Variants in ABR observed in about 807,000 individuals in gnomAD.
ABR encodes the protein active breakpoint cluster region-related protein.
A neutral mutation model predicts 107.2 loss-of-function variants in ABR; 35 were observed. That is an observed-to-expected ratio of 0.33 (90% confidence interval 0.25 to 0.43). The LOEUF (loss-of-function observed/expected upper bound fraction) is 0.43, where lower values mean the gene tolerates loss of function less well. Ranked by LOEUF, ABR falls within the 20% of genes least tolerant of loss-of-function variation. The pLI is 1.00. For missense variants in ABR, 815 were observed against 1,115.2 expected (o/e 0.73, Z 3.83); for synonymous variants, 498 against 462.0 (o/e 1.08, Z -1.00).
chr17:1,170,322 G>T (rs1327512549), intron 1 of ABR, among the ~76,000 whole-genome samples: 1 of 152,182 alleles, frequency 6.6e-6, no homozygotes, highest in Non-Finnish European at 1.5e-5. Flanking sequence ...CACCAGCACC[G>T]CTGTGAAGGG....
Position 1,037,085 on chromosome 17 carries a change from TTCCATCCA to T in ABR, c.1791+12957_1791+12964del, listed in dbSNP as rs1304338113. ...CATCCATCCACCCACCCACCCATCC[TTCCATCCA>T]TCCATCCATCCATCCACCCACCCAC... On this transcript the variant is annotated intron_variant, in intron 16 of 22. Transcript: ENST00000302538. The surrounding 1 kb of genome is among the most constrained non-coding windows in gnomAD (Gnocchi z 4.6). Among the ~76,000 whole-genome samples the T allele has an allele frequency of 3.1e-5, 4 of 128,164 alleles. No individual in the cohort carries two copies. Among genetic ancestry groups the T allele is most frequent in the Non-Finnish European group, 4.9e-5 (3 of 60,954 alleles). The allele number at this position is 128,164 out of a possible 152,430, so 84.1% of individuals were successfully genotyped here.
rs1292541807 is a variant in ABR at position 1,031,651 on chromosome 17, TG to T, written c.1791+18398del. 1.7e-5 allele frequency: 21 copies of T among 1,256,056 alleles called. No homozygotes were observed. The Admixed American group carries it at 3.8e-4, about 23-fold the overall frequency. The allele number at this position is 1,256,056 out of a possible 1,614,324, so 77.8% of individuals were successfully genotyped here. On this transcript the variant is annotated intron_variant, in intron 16 of 22. Transcript: ENST00000302538. ...CGGCCCCAGAGCCGGGCGCCGGTGT[TG>T]GGGGGGCGCTTGCTCCCCGACTCCT...
At chr17:1,102,008 C>A (rs576954016) in intron 2 of ABR, among the ~76,000 whole-genome samples, 40 of 152,232 alleles carry the variant, frequency 2.6e-4, no homozygotes, top group Admixed American at 1.3e-3. Flanking sequence ...GCTGGGATTA[C>A]AGGTGTGAGC....
intron 10 of ABR, among the ~76,000 whole-genome samples, chr17:1,063,470 C>T (rs28733865): frequency 0.091 from 4,768 of 52,218 alleles, no homozygotes; most frequent in Admixed American, 0.1. Flanking sequence ...TTCCTCTAGA[C>T]GCTGTTGTTA....
At chr17:1,199,537 C>G (rs1232775555) in intron 1 of ABR, among the ~76,000 whole-genome samples, 2 of 151,402 alleles carry the variant, frequency 1.3e-5, no homozygotes, top group South Asian at 2.1e-4. Context: ...CAGCCTCCCC[C>G]TCCCGGGTTC....
chr17:1,115,930 A>G (rs928698339), intron 2 of ABR, among the ~76,000 whole-genome samples: 38 of 126,162 alleles, frequency 3.0e-4, no homozygotes, highest in African/African-American at 1.1e-3. Context: ...CTGTCTCAAA[A>G]AAATAAAATA....
intron 2 of ABR, among the ~76,000 whole-genome samples, chr17:1,102,835 C>T (rs557145532): frequency 3.2e-4 from 49 of 152,148 alleles, no homozygotes; most frequent in African/African-American, 3.9e-4. Context: ...CTCAGCCTCC[C>T]GAGTACCTGG....
At chr17:1,166,452 T>C (rs1251719697) in intron 1 of ABR, among the ~76,000 whole-genome samples, 3 of 152,124 alleles carry the variant, frequency 2.0e-5, no homozygotes, top group African/African-American at 7.2e-5. Context: ...GGGCGAGTGT[T>C]GTATCCTGGG....
rs2069837955 is a variant in ABR, at chr17:1,003,936, G to A, written c.*2144C>T. Reference sequence around the variant, plus strand: ...CTTGGTGCAGTTTAGTCCAGGTCTGGCACCTGACCCTCCCCACTCTGGGGG... The same window carrying A: ...CTTGGTGCAGTTTAGTCCAGGTCTGACACCTGACCCTCCCCACTCTGGGGG... On this transcript the variant is annotated 3_prime_UTR_variant, in exon 23 of 23. Coordinates refer to ENST00000302538, the MANE Select transcript of ABR (RefSeq NM_021962.5). 1 of 152,296 alleles carries A rather than the reference G, an allele frequency of 6.6e-6. No homozygotes were observed. The highest frequency in any genetic ancestry group is 1.5e-5 in the Non-Finnish European group (1 of 68,094). 9.4% of individuals were successfully genotyped at this position (152,296 alleles called of 1,614,324 possible). A position where few individuals can be genotyped will look rare whatever the true frequency, so the allele number is the denominator to read the frequency against.
In ABR at chr17:1,011,678, G is replaced by T; in HGVS notation, c.2101+168C>A. 1.3e-6 allele frequency: 1 copy of T among 771,854 alleles called. No individual in the cohort carries two copies. The highest frequency in any genetic ancestry group is 3.4e-5 in the South Asian group (1 of 29,244). 47.8% of individuals were successfully genotyped at this position (771,854 alleles called of 1,614,324 possible). On this transcript the variant is annotated intron_variant, in intron 19 of 22. Transcript: ENST00000302538. This position sits in a 1 kb window ranked among gnomAD's most constrained non-coding sequence, Gnocchi z 4.8. ...GTTGCTTACCTGCAGCAAGGGACAA[G>T]AGATTGGAGGGGAGGGGATTACAAG...
At chr17:1,209,651 C>T (rs867464281) in intron 1 of ABR, among the ~76,000 whole-genome samples, 15 of 152,018 alleles carry the variant, frequency 9.9e-5, no homozygotes, top group African/African-American at 3.6e-4. Flanking sequence ...ATCAGACATA[C>T]AATGCCTTAC....
At chr17:1,108,442 C>T (rs1312727939) in intron 2 of ABR, among the ~76,000 whole-genome samples, 1 of 152,270 alleles carries the variant, frequency 6.6e-6, no homozygotes, top group Non-Finnish European at 1.5e-5. Context: ...CTGGCTGCAG[C>T]CTCCAAGCCA....
At chr17:1,221,081 C>T (rs185720298) in intron 1 of ABR, among the ~76,000 whole-genome samples, 23 of 152,252 alleles carry the variant, frequency 1.5e-4, no homozygotes, top group African/African-American at 5.3e-4. Flanking sequence ...CTCTAAGAAC[C>T]GCAAGATGGG....
At chr17:1,079,462 C>T (rs2036033684) in intron 5 of ABR, 72 bp from the exon 6 acceptor site, 12 of 1,403,278 alleles carry the variant, frequency 8.6e-6, no homozygotes, top group Non-Finnish European at 1.2e-5. Context: ...GTGAGCCTGG[C>T]AAGAAGGGGA....
At chr17:1,188,401 T>G (rs1172991842), upstream of ABR, among the ~76,000 whole-genome samples, 3 of 151,430 alleles carry the variant, frequency 2.0e-5, no homozygotes, top group East Asian at 5.8e-4. Context: ...ATACAAAAAA[T>G]CATCTGGGCA....
chr17:1,080,122 C>T (rs887144742), intron 5 of ABR, among the ~76,000 whole-genome samples: 3 of 152,106 alleles, frequency 2.0e-5, no homozygotes, highest in African/African-American at 7.2e-5. Context: ...GGAAGGGTCC[C>T]ACACGCCAGC....
At chr17:1,093,116 C>T (rs2037149428) in intron 3 of ABR, among the ~76,000 whole-genome samples, 2 of 151,754 alleles carry the variant, frequency 1.3e-5, no homozygotes, top group Non-Finnish European at 2.9e-5. Context: ...CCACCGCGCC[C>T]GGCCAGCCAT....
At chr17:1,189,948 G>T (rs754325160), upstream of ABR, among the ~76,000 whole-genome samples, 28 of 152,210 alleles carry the variant, frequency 1.8e-4, no homozygotes, top group Non-Finnish European at 1.2e-4. Flanking sequence ...GTCACAAAGA[G>T]CCTGGAATGA....
At chr17:1,073,085 C>T (rs868005055) in intron 7 of ABR, among the ~76,000 whole-genome samples, 3 of 148,094 alleles carry the variant, frequency 2.0e-5, no homozygotes, top group Non-Finnish European at 3.0e-5. Flanking sequence ...GAGGCTGAGG[C>T]AGGAGAATTG....
Sources: gnomAD v4.1 joint callset for allele counts (sites outside exome capture counted in the v4.1 genomes callset) on GRCh38, gnomAD v4.1.1 for gene constraint, Gnocchi (gnomAD v3.1) non-coding constraint, MANE v1.5 for transcripts, NCBI Gene and HGNC (gene_info 2026-07-23, HGNC 2026-07-21) for gene names.